The following PARD3 variants were observed in gnomAD, a reference collection of about 807,000 sequenced individuals.
PARD3 encodes par-3 family cell polarity regulator.
PARD3 carries 75 observed loss-of-function variants against 155.4 expected under a neutral mutation model. That is an observed-to-expected ratio of 0.48 (90% CI 0.40 to 0.58). PARD3 has a LOEUF of 0.58. PARD3 is among the 20% of genes least tolerant of loss of function. The pLI, the probability that PARD3 is intolerant of heterozygous loss-of-function variation, is 0.00. For synonymous variants in PARD3, 576 were observed against 610.5 expected (o/e 0.94, Z 0.83); for missense variants, 1,642 against 1,721.7 (o/e 0.95, Z 0.82).
chr10:34,204,609 T>C (rs1055512589), intron 22 of PARD3, among the ~76,000 whole-genome samples: 2 of 152,170 alleles, frequency 1.3e-5, no homozygotes, highest in Non-Finnish European at 2.9e-5. Flanking sequence ...AATGAATCTC[T>C]GGGTTGGCTA....
chr10:34,468,772 C>G (rs2078165669), intron 4 of PARD3, among the ~76,000 whole-genome samples: 1 of 151,568 alleles, frequency 6.6e-6, no homozygotes, highest in African/African-American at 2.4e-5. Flanking sequence ...CTTTTTTTGT[C>G]ACTAGAATTA....
intron 2 of PARD3, among the ~76,000 whole-genome samples, chr10:34,585,144 C>T (rs921131880): frequency 6.6e-6 from 1 of 152,134 alleles, no homozygotes; most frequent in Non-Finnish European, 1.5e-5. Flanking sequence ...GATATGTTTT[C>T]AATTGCCACT....
chr10:34,592,254 T>C (rs893807543), intron 2 of PARD3, among the ~76,000 whole-genome samples: 1 of 152,220 alleles, frequency 6.6e-6, no homozygotes, highest in Non-Finnish European at 1.5e-5. Context: ...TAACACATAC[T>C]GATGTAATAA....
At chr10:34,556,474 C>T (rs147643297) in intron 2 of PARD3, among the ~76,000 whole-genome samples, 1 of 151,852 alleles carries the variant, frequency 6.6e-6, no homozygotes, top group Admixed American at 6.6e-5. Context: ...GCTCCGCCTC[C>T]CAGGTTCACG....
intron 22 of PARD3, among the ~76,000 whole-genome samples, chr10:34,145,818 CAT>C (rs1244405230): frequency 3.9e-5 from 6 of 152,142 alleles, no homozygotes; most frequent in Admixed American, 1.3e-4. Flanking sequence ...AAATGTTTCA[CAT>C]GTTTTTCTGC....
chr10:34,696,269 CA>C (rs5784425), intron 2 of PARD3, 48 bp downstream of exon 2: 15,267 of 926,252 alleles, frequency 0.016, 1 homozygote, highest in South Asian at 0.039. Flanking sequence ...CCCTAGTCCT[CA>C]AAAAAAAAAA....
At chr10:34,438,012 C>A (rs1294441094) in intron 5 of PARD3, among the ~76,000 whole-genome samples, 2 of 152,178 alleles carry the variant, frequency 1.3e-5, no homozygotes, top group Non-Finnish European at 2.9e-5. Context: ...TAGCTCATAG[C>A]AGCTCTTACC....
At chr10:34,540,485 T>C (rs187387206) in intron 2 of PARD3, among the ~76,000 whole-genome samples, 1,949 of 152,338 alleles carry the variant, frequency 0.013, 22 homozygotes, top group Non-Finnish European at 0.017. Context: ...CCAGGCATTG[T>C]GGCTCACACC....
intron 14 of PARD3, among the ~76,000 whole-genome samples, chr10:34,355,934 AAAAAAAAAAAAACAAAACAAAACCAAAC>A (rs1321172609): frequency 2.3e-5 from 3 of 129,138 alleles, no homozygotes; most frequent in African/African-American, 8.3e-5. Flanking sequence ...CAAAAAAAAA[AAAAAAAAAAAAACAAAACAAAACCAAAC>A]AAAAAAACAG....
intron 3 of PARD3, among the ~76,000 whole-genome samples, chr10:34,503,703 G>A (rs964240779): frequency 6.6e-6 from 1 of 152,210 alleles, no homozygotes; most frequent in African/African-American, 2.4e-5. Flanking sequence ...GTGAGGAGGA[G>A]TGGGAAAGTG....
chr10:34,468,413 G>A (rs1382964235), intron 4 of PARD3, among the ~76,000 whole-genome samples: 1 of 152,118 alleles, frequency 6.6e-6, no homozygotes, highest in Non-Finnish European at 1.5e-5. Flanking sequence ...TGAAAACCAA[G>A]TTAAAAAAAT....
At chr10:34,660,623 T>TA (rs1196644890) in intron 2 of PARD3, among the ~76,000 whole-genome samples, 1 of 152,018 alleles carries the variant, frequency 6.6e-6, no homozygotes, top group Non-Finnish European at 1.5e-5. Context: ...GAATAAAGTG[T>TA]ATCTGTCATC....
At chr10:34,250,978 C>A (rs927391312) in intron 22 of PARD3, among the ~76,000 whole-genome samples, 7 of 152,222 alleles carry the variant, frequency 4.6e-5, no homozygotes, top group African/African-American at 1.7e-4. Flanking sequence ...CCTGCACGAT[C>A]TTCAATCACA....
chr10:34,739,909 G>A (rs11009907), intron 1 of PARD3, among the ~76,000 whole-genome samples: 16 of 152,166 alleles, frequency 1.1e-4, no homozygotes, highest in African/African-American at 3.9e-4. Flanking sequence ...GTCAAAGAAA[G>A]GGAGAAAGGA....
intron 2 of PARD3, among the ~76,000 whole-genome samples, chr10:34,644,683 C>G (rs1226072618): frequency 6.6e-6 from 1 of 152,104 alleles, no homozygotes; most frequent in Admixed American, 6.5e-5. Context: ...CTATGAAAAG[C>G]CTTTATGTTT....
At chr10:34,473,145 A>G (rs1402681261) in intron 3 of PARD3, among the ~76,000 whole-genome samples, 2 of 152,226 alleles carry the variant, frequency 1.3e-5, no homozygotes, top group Admixed American at 1.3e-4. Flanking sequence ...AGGCTGCTAC[A>G]GCGAATGCTC....
chr10:34,595,295 A>C (rs2089144999), intron 2 of PARD3, among the ~76,000 whole-genome samples: 1 of 152,234 alleles, frequency 6.6e-6, no homozygotes, highest in South Asian at 2.1e-4. Context: ...TCATGAACTG[A>C]AACTACAATA....
At chr10:34,506,941 G>A (rs866549012) in intron 3 of PARD3, among the ~76,000 whole-genome samples, 25 of 152,214 alleles carry the variant, frequency 1.6e-4, no homozygotes, top group South Asian at 6.2e-4. Flanking sequence ...CACTGCCGCC[G>A]CCTGACAGCC....
chr10:34,623,994 AAGTC>A (rs1362486758), intron 2 of PARD3, among the ~76,000 whole-genome samples: 4 of 152,016 alleles, frequency 2.6e-5, no homozygotes, highest in South Asian at 2.1e-4. Flanking sequence ...AAAAAAAAAA[AAGTC>A]AGCGCGCATG....
Sources: gnomAD v4.1 joint callset for allele counts (sites outside exome capture counted in the v4.1 genomes callset) on GRCh38, gnomAD v4.1.1 for gene constraint, MANE v1.5 for transcripts, NCBI Gene and HGNC (gene_info 2026-07-23, HGNC 2026-07-21) for gene names.